The following TNR variants were observed in gnomAD, a reference collection of about 807,000 sequenced individuals.
TNR encodes tenascin-R.
In TNR, 45 loss-of-function variants were observed where a neutral mutation model predicts 150.4. The observed-to-expected ratio is 0.30, with a 90% CI of 0.24 to 0.38. TNR has a LOEUF of 0.38. Among genes scored for constraint, TNR ranks in the 10% least tolerant of loss-of-function variants. The pLI, the probability that TNR is intolerant of heterozygous loss-of-function variation, is 1.00. For synonymous variants in TNR, 687 were observed against 678.4 expected, an observed-to-expected ratio of 1.01 and a Z score of -0.20; for missense variants, 1,544 against 1,759.1, an observed-to-expected ratio of 0.88 and a Z score of 2.19.
At chr1:175,384,067 C>G (rs1652809272) in intron 8 of TNR, among the ~76,000 whole-genome samples, 1 of 152,226 alleles carries the variant, frequency 6.6e-6, no homozygotes, top group African/African-American at 2.4e-5. Flanking sequence ...TCTTGTCGAC[C>G]TGAACACCAA....
At chr1:175,510,273 T>G (rs1659115330) in intron 2 of TNR, among the ~76,000 whole-genome samples, 1 of 152,194 alleles carries the variant, frequency 6.6e-6, no homozygotes, top group Admixed American at 6.5e-5. Context: ...GGTTTTCCTC[T>G]TCTAAGTCCA....
chr1:175,393,695 C>T, intron 6 of TNR, 85 bp downstream of exon 6: 1 of 1,065,658 alleles, frequency 9.4e-7, no homozygotes, highest in Non-Finnish European at 1.5e-6. Context: ...TATTGGGTAG[C>T]ACTTTCCTTG....
chr1:175,580,935 G>A (rs1029123017), intron 1 of TNR, among the ~76,000 whole-genome samples: 15 of 152,262 alleles, frequency 9.9e-5, no homozygotes, highest in African/African-American at 2.9e-4. Flanking sequence ...GTCAGGGGGT[G>A]GGGGATGGGG....
At chr1:175,695,047 G>A (rs1000154575) in intron 1 of TNR, among the ~76,000 whole-genome samples, 1 of 152,240 alleles carries the variant, frequency 6.6e-6, no homozygotes, top group South Asian at 2.1e-4. Flanking sequence ...CCCTTCAAAA[G>A]GTGGAGCTGA....
intron 1 of TNR, among the ~76,000 whole-genome samples, chr1:175,638,446 C>G (rs538764498): frequency 2.0e-5 from 3 of 152,176 alleles, no homozygotes. Context: ...GACTTTCCTT[C>G]GGATGGCTTC....
intron 9 of TNR, among the ~76,000 whole-genome samples, chr1:175,370,338 C>CTTTTT (rs55795922): frequency 0.012 from 521 of 42,978 alleles, 53 homozygotes; most frequent in Middle Eastern, 0.048. Context: ...ATTTTGAGTA[C>CTTTTT]TTTTTTTTTT....
At chr1:175,513,877 T>C (rs1023283763) in intron 2 of TNR, among the ~76,000 whole-genome samples, 1 of 152,182 alleles carries the variant, frequency 6.6e-6, no homozygotes, top group Non-Finnish European at 1.5e-5. Flanking sequence ...TTTGTGAAAA[T>C]GTAGATTCTG....
At chr1:175,619,707 C>T (rs1370714965) in intron 1 of TNR, among the ~76,000 whole-genome samples, 3 of 152,178 alleles carry the variant, frequency 2.0e-5, no homozygotes, top group Admixed American at 6.5e-5. Flanking sequence ...GTTCCCAAGA[C>T]CCAATACTCG....
At position 175,706,333 on chromosome 1, in the gene TNR, C is replaced by T. The variant is rs188651623; in HGVS notation, c.-165+36893G>A. On this transcript the variant is annotated intron_variant, in intron 1 of 22. Coordinates refer to ENST00000367674, the MANE Select transcript of TNR (RefSeq NM_003285.3). The stretch of plus-strand genomic sequence containing the variant: ...GGCTGTATTAATAAAACTTAGGGTC[C>T]AAATCAAACAGCATCATTACCCCCA... Among the ~76,000 whole-genome samples, 32 of 152,184 alleles carry T rather than the reference C, an allele frequency of 2.1e-4. No homozygotes were observed. In the East Asian group the frequency reaches 5.4e-3, roughly 26 times the overall value.
intron 3 of TNR, among the ~76,000 whole-genome samples, chr1:175,403,919 T>C (rs1653835885): frequency 2.0e-5 from 3 of 152,148 alleles, no homozygotes; most frequent in Admixed American, 1.3e-4. Context: ...TAAAGATTCA[T>C]GTAAAAGTGA....
intron 1 of TNR, among the ~76,000 whole-genome samples, chr1:175,705,362 GA>G (rs1188902941): frequency 6.6e-6 from 1 of 152,024 alleles, no homozygotes; most frequent in Non-Finnish European, 1.5e-5. Context: ...TAAAAAGGAA[GA>G]AAGACATTAA....
At chr1:175,413,619 A>T (rs1194206078) in intron 2 of TNR, among the ~76,000 whole-genome samples, 1 of 152,116 alleles carries the variant, frequency 6.6e-6, no homozygotes, top group Non-Finnish European at 1.5e-5. Flanking sequence ...AGTCAAAGAG[A>T]CTAGAATGAG....
intron 1 of TNR, among the ~76,000 whole-genome samples, chr1:175,651,704 C>T (rs1665001631): frequency 1.3e-5 from 2 of 151,954 alleles, no homozygotes; most frequent in Non-Finnish European, 2.9e-5. Context: ...AAGAAAGATG[C>T]CCAACTCATT....
At chr1:175,737,262 C>G (rs1161585143) in intron 1 of TNR, among the ~76,000 whole-genome samples, 6 of 152,188 alleles carry the variant, frequency 3.9e-5, no homozygotes, top group Admixed American at 3.9e-4. Context: ...CATTTAGCAT[C>G]ACTATGCCTC....
chr1:175,714,942 G>A (rs1667114434), intron 1 of TNR, among the ~76,000 whole-genome samples: 1 of 152,212 alleles, frequency 6.6e-6, no homozygotes, highest in Non-Finnish European at 1.5e-5. Context: ...TCCCAGGGCA[G>A]AACTGGTAGG....
At chr1:175,331,050 TTTCTTTCTTTCTTTCTTTCTTTCTTTCC>T (rs1649783610) in intron 20 of TNR, among the ~76,000 whole-genome samples, 1 of 95,762 alleles carries the variant, frequency 1.0e-5, no homozygotes, top group Non-Finnish European at 2.2e-5. Context: ...TCTTTCTTTC[TTTCTTTCTTTCTTTCTTTCTTTCTTTCC>T]TTCTTTCTTT....
At chr1:175,504,167 T>C (rs942785879) in intron 2 of TNR, among the ~76,000 whole-genome samples, 5 of 152,160 alleles carry the variant, frequency 3.3e-5, no homozygotes, top group Non-Finnish European at 5.9e-5. Context: ...GGCTCAATGG[T>C]TCAGCTAGCA....
At chr1:175,442,201 C>A (rs1655821863) in intron 2 of TNR, among the ~76,000 whole-genome samples, 1 of 152,054 alleles carries the variant, frequency 6.6e-6, no homozygotes, top group Non-Finnish European at 1.5e-5. Flanking sequence ...TTTCACTTGG[C>A]TTTTGCACCC....
At chr1:175,563,649 C>A (rs1661520642) in intron 1 of TNR, among the ~76,000 whole-genome samples, 1 of 152,204 alleles carries the variant, frequency 6.6e-6, no homozygotes, top group African/African-American at 2.4e-5. Flanking sequence ...ATATACTAAG[C>A]TCTTTTGGCC....
Sources: allele counts gnomAD v4.1 joint callset (sites outside exome capture counted in the v4.1 genomes callset), GRCh38; gene constraint gnomAD v4.1.1; transcripts MANE v1.5; gene names NCBI Gene and HGNC (gene_info 2026-07-23, HGNC 2026-07-21).